TENM4: variants seen among roughly 807,000 people sequenced by gnomAD.
The protein encoded by TENM4 is teneurin transmembrane protein 4.
TENM4 carries 82 observed loss-of-function variants against 243.3 expected under a neutral mutation model. That is an observed-to-expected ratio of 0.34 (90% CI 0.28 to 0.40). The LOEUF (loss-of-function observed/expected upper bound fraction) is 0.40. TENM4 is among the 10% of genes least tolerant of loss of function. The pLI is 1.00. For synonymous variants in TENM4, 1,412 were observed against 1,456.3 expected (o/e 0.97, Z 0.69); for missense variants, 3,138 against 3,673.3 (o/e 0.85, Z 3.77).
chr11:79,213,248 C>A (rs1590799172), intron 3 of TENM4, among the ~76,000 whole-genome samples: 1 of 152,092 alleles, frequency 6.6e-6, no homozygotes, highest in Non-Finnish European at 1.5e-5. Context: ...CAATATGGAA[C>A]CTGTTCAATG....
At chr11:78,999,403 C>G (rs528458526) in intron 6 of TENM4, among the ~76,000 whole-genome samples, 1 of 152,120 alleles carries the variant, frequency 6.6e-6, no homozygotes, top group South Asian at 2.1e-4. Flanking sequence ...GTAGTCCCAG[C>G]TACTCGGGAG....
intron 28 of TENM4, among the ~76,000 whole-genome samples, chr11:78,690,428 G>A (rs1565333664): frequency 6.6e-6 from 1 of 152,170 alleles, no homozygotes. Flanking sequence ...AATTACAGGT[G>A]ATTTGAATTG....
chr11:78,832,141 C>T (rs1022902161), intron 12 of TENM4, among the ~76,000 whole-genome samples: 3 of 152,206 alleles, frequency 2.0e-5, no homozygotes, highest in African/African-American at 4.8e-5. Context: ...GGAGGTTTCC[C>T]GCATACTTCA....
At position 78,805,277 on chromosome 11, in the gene TENM4, T is replaced by TGCCCCCCCCCCCCACCCCCCC; in HGVS notation, c.2179+14_2179+15insGGGGGGGTGGGGGGGGGGGGC. ...CCCCTCCCTCTACCCATGCTTCTTC[T>TGCCCCCCCCCCCCACCCCCCC]CCCCCTGCATTTACCGATAGAACAG... is the stretch of plus-strand genomic sequence containing the variant. On this transcript the variant is annotated intron_variant, in intron 15 of 33. Coordinates refer to ENST00000278550, the MANE Select transcript of TENM4 (RefSeq NM_001098816.3). 3.6e-6 allele frequency: 5 copies of TGCCCCCCCCCCCCACCCCCCC among 1,402,550 alleles called. No homozygotes were observed. The highest frequency in any genetic ancestry group is 4.8e-6 in the Non-Finnish European group (5 of 1,033,116). The allele number at this position is 1,402,550 out of a possible 1,614,324, so 86.9% of individuals were successfully genotyped here.
intron 6 of TENM4, among the ~76,000 whole-genome samples, chr11:78,930,889 C>G (rs188111862): frequency 6.6e-6 from 1 of 152,238 alleles, no homozygotes; most frequent in African/African-American, 2.4e-5. Flanking sequence ...AGGAAGCTAT[C>G]GTTAAAAGGT....
chr11:79,080,595 T>C (rs950672443), intron 4 of TENM4, among the ~76,000 whole-genome samples: 5 of 152,190 alleles, frequency 3.3e-5, no homozygotes, highest in African/African-American at 7.2e-5. Context: ...CCTGCACCCC[T>C]TTCTCCTGTA....
chr11:78,929,434 T>A lies in TENM4; in HGVS notation c.494-25911A>T, dbSNP rs143768559. On this transcript the variant is annotated intron_variant, in intron 6 of 33. Transcript: ENST00000278550. ...AGCTCTTTGCAACTGATTTAATCTC[T>A]CTCTCAGAAAAACTCACAGGTTCAG... 1.3e-5 allele frequency among the ~76,000 whole-genome samples: 2 copies of A among 152,278 alleles called. 1 individual carries two copies. Among genetic ancestry groups the A allele is most frequent in the East Asian group, 3.9e-4 (2 of 5,180 alleles).
chr11:78,687,099 C>T (rs951712547), intron 29 of TENM4, among the ~76,000 whole-genome samples: 7 of 152,128 alleles, frequency 4.6e-5, no homozygotes, highest in Non-Finnish European at 1.0e-4. Flanking sequence ...CTTTCCCAGA[C>T]CCAGAGACCA....
intron 3 of TENM4, among the ~76,000 whole-genome samples, chr11:79,188,270 T>C (rs1565241253): frequency 6.6e-6 from 1 of 152,194 alleles, no homozygotes; most frequent in Non-Finnish European, 1.5e-5. Flanking sequence ...AGAAGAGAAG[T>C]GGGAGATCCA....
In TENM4 at chr11:78,669,848, A is replaced by G; in HGVS notation, c.6497T>C (p.Met2166Thr). The G allele has an allele frequency of 6.2e-7, 1 of 1,613,854 alleles. No individual in the cohort carries two copies. The highest frequency in any genetic ancestry group is 8.5e-7 in the Non-Finnish European group (1 of 1,179,840). Reference sequence around the variant, plus strand: ...CCCCATGTTATCATACTGGACGGTCATCCAGTACATGAGCGAGCGGAAGAT... The same window carrying G: ...CCCCATGTTATCATACTGGACGGTCGTCCAGTACATGAGCGAGCGGAAGAT... ...YEIFRSLMYW[M>T]TVQYDNMGRV... The change falls in exon 32 of 34, where the codon ATG becomes ACG. Residue 2166 changes from methionine to threonine, a missense_variant. Met to Thr is a moderately conservative substitution (Grantham distance 81). Transcript: ENST00000278550. The surrounding 1 kb of genome is among the most constrained non-coding windows in gnomAD (Gnocchi z 6.4).
intron 6 of TENM4, among the ~76,000 whole-genome samples, chr11:78,928,553 T>A (rs2136412818): frequency 6.6e-6 from 1 of 152,268 alleles, no homozygotes; most frequent in South Asian, 2.1e-4. Context: ...TAAAAAGGGA[T>A]AAAGTGGGGG....
At chr11:78,822,599 GATAA>G (rs1472423421) in intron 12 of TENM4, among the ~76,000 whole-genome samples, 1 of 152,168 alleles carries the variant, frequency 6.6e-6, no homozygotes, top group Non-Finnish European at 1.5e-5. Flanking sequence ...AGAGTATCAG[GATAA>G]ATAGTTAAGG....
intron 1 of TENM4, among the ~76,000 whole-genome samples, chr11:79,389,196 C>T (rs1433550573): frequency 6.6e-6 from 1 of 152,162 alleles, no homozygotes; most frequent in Non-Finnish European, 1.5e-5. Context: ...CACTCCATCC[C>T]CCAGGCTGGA....
At chr11:79,117,894 C>T (rs1281508042) in intron 4 of TENM4, among the ~76,000 whole-genome samples, 4 of 152,156 alleles carry the variant, frequency 2.6e-5, no homozygotes, top group Admixed American at 2.6e-4. Context: ...CCCTTTCCCC[C>T]TTCCCTTCAG....
In TENM4 at chr11:78,658,316, A is replaced by C; in HGVS notation, c.8052T>G (p.Asp2684Glu). The change falls in exon 34 of 34, where the codon GAT (aspartate) becomes GAG (glutamate). Residue 2684 changes from aspartate (D) to glutamate (E), a missense_variant. Around this residue, in one of 2 missense-constraint regions of TENM4, gnomAD observed 2,467 missense variants for 3,059.1 expected, o/e 0.81. Coordinates refer to ENST00000278550, the MANE Select transcript of TENM4 (RefSeq NM_001098816.3). ...GCTCCAGGACCCGTGCCTTCTCCTC[A>C]TCCAACGTTGTCCCGTAGCGTGTGT... ...CLNTRYGTTL[D>E]EEKARVLELA... 1 of 1,613,212 alleles carries C rather than the reference A, an allele frequency of 6.2e-7. No homozygotes were observed. The highest frequency in any genetic ancestry group is 1.1e-5 in the South Asian group (1 of 91,008).
chr11:78,960,751 C>T (rs1466137802), intron 6 of TENM4, among the ~76,000 whole-genome samples: 4 of 152,198 alleles, frequency 2.6e-5, no homozygotes, highest in South Asian at 2.1e-4. Context: ...AGGTTCCTAC[C>T]GCCTTTGCCA....
chr11:78,784,889 A>G (rs529801886), intron 16 of TENM4, among the ~76,000 whole-genome samples: 3 of 150,676 alleles, frequency 2.0e-5, no homozygotes, highest in Non-Finnish European at 4.4e-5. Flanking sequence ...GTGTGACTAG[A>G]CGAAGGGAGA....
At chr11:79,183,354 C>A (rs958313819) in intron 3 of TENM4, among the ~76,000 whole-genome samples, 6 of 152,130 alleles carry the variant, frequency 3.9e-5, no homozygotes, top group Admixed American at 3.9e-4. Context: ...AAAAGCAAGA[C>A]TTTGGAGACA....
chr11:78,663,120 A>G (rs1858072773), intron 32 of TENM4, among the ~76,000 whole-genome samples: 1 of 152,032 alleles, frequency 6.6e-6, no homozygotes, highest in Non-Finnish European at 1.5e-5. Flanking sequence ...CCAGAGGGAG[A>G]CAGACAGACA....
Sources: gnomAD v4.1 joint callset for allele counts (sites outside exome capture counted in the v4.1 genomes callset) on GRCh38, gnomAD v4.1.1 for gene constraint, gnomAD v4.1.1 regional missense constraint, Gnocchi (gnomAD v3.1) non-coding constraint, MANE v1.5 for transcripts, NCBI Gene and HGNC (gene_info 2026-07-23, HGNC 2026-07-21) for gene names.